Variants in PCDHA8 observed in about 807,000 individuals in gnomAD.
PCDHA8 encodes protocadherin alpha 8.
A neutral mutation model predicts 61.8 loss-of-function variants in PCDHA8; 53 were observed. The ratio of observed to expected loss-of-function variants is 0.86; its 90% confidence interval spans 0.69 to 1.08. The LOEUF (loss-of-function observed/expected upper bound fraction) is 1.08. PCDHA8 is among the 50% of genes least tolerant of loss of function. The pLI is 0.00. For synonymous variants in PCDHA8, 618 were observed against 556.6 expected, an observed-to-expected ratio of 1.11 and a Z score of -1.55; for missense variants, 1,293 against 1,245.0, an observed-to-expected ratio of 1.04 and a Z score of -0.58.
intron 1 of PCDHA8, chr5:140,854,286 T>C: frequency 3.8e-6 from 2 of 522,000 alleles, no homozygotes; most frequent in Non-Finnish European, 4.9e-6. Context: ...AGTTTAGTTT[T>C]TATTATTTTG....
chr5:140,850,782 G>A (rs1485656675), intron 1 of PCDHA8: 2 of 1,598,136 alleles, frequency 1.3e-6, no homozygotes, highest in African/African-American at 1.3e-5. Flanking sequence ...CTCTGGCGAG[G>A]GTAAGCAGAA....
At chr5:140,961,458 G>A (rs1371131275) in intron 1 of PCDHA8, among the ~76,000 whole-genome samples, 2 of 152,150 alleles carry the variant, frequency 1.3e-5, no homozygotes, top group Non-Finnish European at 2.9e-5. Context: ...TCTTGCAGCT[G>A]CCTTTCTTTT....
At chr5:140,966,737 G>A (rs1466161811) in intron 1 of PCDHA8, 4 of 1,420,882 alleles carry the variant, frequency 2.8e-6, no homozygotes, top group Non-Finnish European at 3.7e-6. Flanking sequence ...CTCCGGCCCT[G>A]CCCGGCTGCC....
At chr5:140,864,740 C>G (rs2048582672) in intron 1 of PCDHA8, 1 of 152,028 alleles carries the variant, frequency 6.6e-6, no homozygotes, top group African/African-American at 2.4e-5. Context: ...TCTTTGAGCA[C>G]CGATTATACT....
chr5:140,855,103 T>C lies in PCDHA8; in HGVS notation c.2394+11388T>C. Among the ~76,000 whole-genome samples, 2 of 149,938 alleles carry C rather than the reference T, an allele frequency of 1.3e-5. 1 individual carries two copies. The highest frequency in any genetic ancestry group is 3.0e-5 in the Non-Finnish European group (2 of 67,096). On this transcript the variant is annotated intron_variant, in intron 1 of 3. Coordinates refer to ENST00000531613, the MANE Select transcript of PCDHA8 (RefSeq NM_018911.3). ...CCACTCTCAGCCTGTGCAGTAGCAA[T>C]AATTAAGGCATTCTATAGGTAATAA... is the stretch of plus-strand genomic sequence containing the variant.
intron 1 of PCDHA8, chr5:140,854,217 C>A: frequency 6.6e-6 from 4 of 607,972 alleles, no homozygotes; most frequent in Middle Eastern, 8.4e-4. Context: ...CAATATTGGA[C>A]ATCTACATTG....
chr5:140,948,076 A>G (rs1554218436), intron 1 of PCDHA8, among the ~76,000 whole-genome samples: 1 of 151,508 alleles, frequency 6.6e-6, no homozygotes, highest in Non-Finnish European at 1.5e-5. Flanking sequence ...ATTTTCTTTT[A>G]ATCTATTGAT....
intron 1 of PCDHA8, among the ~76,000 whole-genome samples, chr5:140,912,281 A>G (rs571303094): frequency 3.3e-5 from 5 of 152,200 alleles, no homozygotes; most frequent in Non-Finnish European, 7.4e-5. Context: ...ATACCCAGGA[A>G]CAATACTTTG....
intron 1 of PCDHA8, chr5:140,967,400 C>T: frequency 6.2e-7 from 1 of 1,611,718 alleles, no homozygotes; most frequent in South Asian, 1.1e-5. Context: ...GCTGGTGCTG[C>T]GTAAGGGCCT....
intron 1 of PCDHA8, chr5:140,871,141 C>G: frequency 6.2e-7 from 1 of 1,613,438 alleles, no homozygotes; most frequent in Non-Finnish European, 8.5e-7. Context: ...GGCCTCTTCC[C>G]GGACTTTGGC....
At chr5:140,967,320 A>G in intron 1 of PCDHA8, 6 of 1,609,774 alleles carry the variant, frequency 3.7e-6, no homozygotes, top group Non-Finnish European at 5.1e-6. Context: ...GTACAGACCT[A>G]CGAGCTCAGC....
At chr5:140,941,505 C>T (rs536733497) in intron 1 of PCDHA8, among the ~76,000 whole-genome samples, 11 of 151,390 alleles carry the variant, frequency 7.3e-5, no homozygotes, top group East Asian at 1.9e-4. Flanking sequence ...TTAGTAGAGA[C>T]GAGGTTTCAC....
At chr5:140,982,900 C>G (rs1443607900) in intron 3 of PCDHA8, among the ~76,000 whole-genome samples, 1 of 151,932 alleles carries the variant, frequency 6.6e-6, no homozygotes, top group African/African-American at 2.4e-5. Flanking sequence ...ATCTGGTGGC[C>G]TTATGCACAG....
chr5:140,850,003 C>G (rs782017581), intron 1 of PCDHA8: 1 of 1,596,910 alleles, frequency 6.3e-7, no homozygotes, highest in African/African-American at 1.3e-5. Context: ...GGCGAGCGCT[C>G]GCTGTCGAGC....
At chr5:140,867,140 CATT>C (rs782677875) in intron 1 of PCDHA8, 7 of 152,092 alleles carry the variant, frequency 4.6e-5, no homozygotes, top group Non-Finnish European at 1.0e-4. Context: ...GTGATATTAT[CATT>C]TTTCCAGAGT....
chr5:140,983,221 A>G (rs1178098444), intron 3 of PCDHA8, among the ~76,000 whole-genome samples: 1 of 152,196 alleles, frequency 6.6e-6, no homozygotes, highest in Non-Finnish European at 1.5e-5. Context: ...TCCTAATCCA[A>G]ACTTTCAGGA....
intron 1 of PCDHA8, among the ~76,000 whole-genome samples, chr5:140,915,392 A>AT (rs1554196880): frequency 6.6e-6 from 1 of 152,072 alleles, no homozygotes; most frequent in African/African-American, 2.4e-5. Context: ...AGAGCTAGGT[A>AT]TTTCTTATAG....
Position 140,843,520 on chromosome 5 carries a change from G to A in PCDHA8, c.2199G>A (p.Arg733=), listed in dbSNP as rs2150361803. 1.5e-5 allele frequency: 24 copies of A among 1,595,834 alleles called. 2 individuals are homozygous for A. The highest frequency in any genetic ancestry group is 2.0e-5 in the Non-Finnish European group (23 of 1,165,564). The change falls in exon 1 of 4, where the codon CGG becomes CGA. Residue 733 remains arginine, a synonymous_variant. Coordinates refer to ENST00000531613, the MANE Select transcript of PCDHA8 (RefSeq NM_018911.3). ...CACTGCCCACTGAGGGCGGGTGCCG[G>A]GCGGGCAAGCCCACTCTGGTGTGCT... ...CSALPTEGGC[R]AGKPTLVCSS...
intron 1 of PCDHA8, chr5:140,875,828 T>C: frequency 6.2e-7 from 1 of 1,614,196 alleles, no homozygotes; most frequent in African/African-American, 1.3e-5. Flanking sequence ...GTTTTCCATG[T>C]GGACGTGGAG....
Sources: allele counts gnomAD v4.1 joint callset (sites outside exome capture counted in the v4.1 genomes callset), GRCh38; gene constraint gnomAD v4.1.1; transcripts MANE v1.5; gene names NCBI Gene and HGNC (gene_info 2026-07-23, HGNC 2026-07-21).